Variants in ASTN2 observed in about 807,000 individuals in gnomAD.
ASTN2 encodes the protein astrotactin-2.
In ASTN2, 54 loss-of-function variants were observed where a neutral mutation model predicts 139.8. The ratio of observed to expected loss-of-function variants is 0.39; its 90% confidence interval spans 0.31 to 0.48. The LOEUF (loss-of-function observed/expected upper bound fraction) is 0.48, where lower values mean the gene tolerates loss of function less well. ASTN2 is among the 20% of genes least tolerant of loss of function. The probability of loss-of-function intolerance (pLI) is 0.95; values close to 1 mark genes in which losing one functional copy is unlikely to be tolerated. For missense variants in ASTN2, 1,565 were observed against 1,725.1 expected, an observed-to-expected ratio of 0.91 and a Z score of 1.64; for synonymous variants, 756 against 719.5, an observed-to-expected ratio of 1.05 and a Z score of -0.81.
At chr9:116,665,094 C>T (rs754488633) in intron 16 of ASTN2, among the ~76,000 whole-genome samples, 4 of 152,214 alleles carry the variant, frequency 2.6e-5, no homozygotes, top group Non-Finnish European at 5.9e-5. Flanking sequence ...TCTTCTACCA[C>T]GTTCCACCAT....
At chr9:116,977,841 C>T (rs1376366676) in intron 7 of ASTN2, among the ~76,000 whole-genome samples, 2 of 151,484 alleles carry the variant, frequency 1.3e-5, no homozygotes, top group East Asian at 3.9e-4. Flanking sequence ...CTCAGCCTCC[C>T]GAGTAGCTGG....
chr9:116,711,801 AT>A (rs1194530858), intron 16 of ASTN2, among the ~76,000 whole-genome samples: 5 of 151,750 alleles, frequency 3.3e-5, no homozygotes, highest in African/African-American at 7.3e-5. Flanking sequence ...ACATACATTA[AT>A]TTTTTTTCTG....
At chr9:117,109,116 T>C (rs981719523) in intron 4 of ASTN2, among the ~76,000 whole-genome samples, 1 of 151,826 alleles carries the variant, frequency 6.6e-6, no homozygotes, top group African/African-American at 2.4e-5. Context: ...CCCCCGTCTC[T>C]ACTAAAAATA....
Position 116,578,839 on chromosome 9 carries a change from A to G in ASTN2, c.3355+39485T>C, listed in dbSNP as rs1336066234. 3.3e-5 allele frequency: 5 copies of G among 152,222 alleles called. No individual in the cohort carries two copies. The East Asian group carries it at 7.7e-4, about 23-fold the overall frequency. 9.4% of individuals were successfully genotyped at this position (152,222 alleles called of 1,614,324 possible). The stretch of plus-strand genomic sequence containing the variant: ...CTTGGATAAAGTTATTATTGTCCAC[A>G]GAATTACAGAAGGCTCTGAGCAGCA... On this transcript the variant is annotated intron_variant, in intron 19 of 22. Transcript: ENST00000313400.
chr9:116,661,201 G>A (rs1588154955), intron 16 of ASTN2, among the ~76,000 whole-genome samples: 1 of 151,128 alleles, frequency 6.6e-6, no homozygotes. Flanking sequence ...GCAGGTTGTG[G>A]CCAGTAACAG....
intron 1 of ASTN2, among the ~76,000 whole-genome samples, chr9:117,371,035 A>G (rs1829977189): frequency 6.6e-6 from 1 of 151,984 alleles, no homozygotes; most frequent in South Asian, 2.1e-4. Flanking sequence ...AAATACCCCC[A>G]ACAGTCCCAA....
At chr9:117,245,827 CTCTTTAGGTCCTAT>C (rs993538371) in intron 2 of ASTN2, among the ~76,000 whole-genome samples, 1 of 152,150 alleles carries the variant, frequency 6.6e-6, no homozygotes, top group African/African-American at 2.4e-5. Flanking sequence ...TAGGTCTCTG[CTCTTTAGGTCCTAT>C]TCTTTAGGTC....
intron 7 of ASTN2, among the ~76,000 whole-genome samples, chr9:117,007,236 A>T (rs2132584205): frequency 6.6e-6 from 1 of 152,106 alleles, no homozygotes; most frequent in East Asian, 1.9e-4. Flanking sequence ...CCAGCTTAGC[A>T]CTCCACATGC....
intron 1 of ASTN2, among the ~76,000 whole-genome samples, chr9:117,330,155 G>A (rs1289511399): frequency 6.6e-6 from 1 of 152,178 alleles, no homozygotes; most frequent in African/African-American, 2.4e-5. Flanking sequence ...AGTGCCTGAA[G>A]AAGAGCCTGC....
chr9:116,469,767 T>C (rs929039551), intron 20 of ASTN2, among the ~76,000 whole-genome samples: 1 of 152,206 alleles, frequency 6.6e-6, no homozygotes, highest in Non-Finnish European at 1.5e-5. Context: ...AAACAAACAC[T>C]ATACCCCATA....
intron 19 of ASTN2, among the ~76,000 whole-genome samples, chr9:116,579,336 C>T (rs1853855239): frequency 6.6e-6 from 1 of 152,208 alleles, no homozygotes. Flanking sequence ...TTTTCTGTTT[C>T]TGCTGCAATC....
In ASTN2 at chr9:117,150,600, T is replaced by C. The variant is rs140587308; in HGVS notation, c.1016-9122A>G. 4.3e-3 allele frequency among the ~76,000 whole-genome samples: 654 copies of C among 152,290 alleles called. 3 individuals carry two copies. The highest frequency in any genetic ancestry group is 0.015 in the African/African-American group (610 of 41,552). ...AACTTAACACTCAGAGTCTCAGCTC[T>C]CCTAACTGTTAAAATGAGGCTTGCA... On this transcript the variant is annotated intron_variant, in intron 3 of 22. Transcript: ENST00000313400.
chr9:116,830,714 C>T (rs1341673210), intron 11 of ASTN2, among the ~76,000 whole-genome samples: 1 of 151,048 alleles, frequency 6.6e-6, no homozygotes, highest in Non-Finnish European at 1.5e-5. Flanking sequence ...ATCACTTGAA[C>T]CCAGGAGGCG....
At chr9:116,839,582 C>T (rs535760295) in intron 11 of ASTN2, among the ~76,000 whole-genome samples, 4 of 152,024 alleles carry the variant, frequency 2.6e-5, no homozygotes, top group East Asian at 1.9e-4. Context: ...CAGGTTTAAG[C>T]GATTCTTATG....
At chr9:117,311,289 T>C (rs1210240696) in intron 1 of ASTN2, among the ~76,000 whole-genome samples, 1 of 151,164 alleles carries the variant, frequency 6.6e-6, no homozygotes, top group East Asian at 1.9e-4. Flanking sequence ...AGAACGTTTA[T>C]AATTGATTTC....
At chr9:117,287,930 G>T (rs1228309578) in intron 2 of ASTN2, among the ~76,000 whole-genome samples, 1 of 152,092 alleles carries the variant, frequency 6.6e-6, no homozygotes, top group African/African-American at 2.4e-5. Flanking sequence ...CTGTGAGATT[G>T]GTATGATCAG....
At chr9:117,077,197 T>C (rs1828304531) in intron 5 of ASTN2, among the ~76,000 whole-genome samples, 1 of 152,060 alleles carries the variant, frequency 6.6e-6, no homozygotes, top group Non-Finnish European at 1.5e-5. Flanking sequence ...TGCCATCAGG[T>C]GGAGAAACAG....
chr9:117,268,107 C>T (rs1478875331), intron 2 of ASTN2, among the ~76,000 whole-genome samples: 3 of 152,182 alleles, frequency 2.0e-5, no homozygotes, highest in Admixed American at 6.5e-5. Context: ...TACCACCCTG[C>T]CAAGTCTTTC....
At chr9:116,520,690 T>C (rs1850832267) in intron 19 of ASTN2, among the ~76,000 whole-genome samples, 1 of 152,008 alleles carries the variant, frequency 6.6e-6, no homozygotes, top group Non-Finnish European at 1.5e-5. Context: ...GGCATCAAAT[T>C]GGTAAAGTGG....
Sources: gnomAD v4.1 joint callset for allele counts (sites outside exome capture counted in the v4.1 genomes callset) on GRCh38, gnomAD v4.1.1 for gene constraint, MANE v1.5 for transcripts, NCBI Gene and HGNC (gene_info 2026-07-23, HGNC 2026-07-21) for gene names.